NPHP4: variants seen among roughly 807,000 people sequenced by gnomAD.
The protein encoded by NPHP4 is nephrocystin 4.
In NPHP4, 151 loss-of-function variants were observed where a neutral mutation model predicts 155.8. The ratio of observed to expected loss-of-function variants is 0.97; its 90% CI spans 0.85 to 1.11. NPHP4 has a LOEUF of 1.11. Ranked by LOEUF, NPHP4 falls within the 50% of genes least tolerant of loss-of-function variation. The pLI is 0.00. For missense variants in NPHP4, 1,956 were observed against 1,925.7 expected, an observed-to-expected ratio of 1.02 and a Z score of -0.29; for synonymous variants, 845 against 816.8, an observed-to-expected ratio of 1.03 and a Z score of -0.59.
chr1:5,983,105 TA>T (rs1299176695), intron 2 of NPHP4, among the ~76,000 whole-genome samples: 1 of 152,200 alleles, frequency 6.6e-6, no homozygotes, highest in African/African-American at 2.4e-5. Flanking sequence ...TGATTGACGG[TA>T]TTCTTCAGAG....
rs972012683 is a variant in NPHP4, at chr1:5,899,064, C to A, written c.2143+5553G>T. 6.6e-5 allele frequency among the ~76,000 whole-genome samples: 10 copies of A among 152,210 alleles called. No individual in the cohort carries two copies. In the South Asian group the frequency reaches 1.2e-3, roughly 19 times the overall value. On this transcript the variant is annotated intron_variant, in intron 16 of 29. Transcript: ENST00000378156. ...TGGCGAGGACATGGCGCTGTCTGGGCTGCCTGTCTCCTGCTGATGGATGTG... is the reference window on the plus strand; with the variant it reads ...TGGCGAGGACATGGCGCTGTCTGGGATGCCTGTCTCCTGCTGATGGATGTG...
At chr1:5,864,684 C>T in intron 27 of NPHP4, 167 bp from the exon 28 acceptor site, 1 of 590,714 alleles carries the variant, frequency 1.7e-6, no homozygotes, top group African/African-American at 1.9e-5. Context: ...GTGGCCGCGA[C>T]TTGGGTCCAC....
intron 27 of NPHP4, 73 bp from the exon 28 acceptor site, chr1:5,864,590 C>G: frequency 2.2e-6 from 3 of 1,348,376 alleles, no homozygotes; most frequent in Non-Finnish European, 3.0e-6. Flanking sequence ...TGGGCGCCTG[C>G]AGCCCAATCA....
intron 11 of NPHP4, among the ~76,000 whole-genome samples, chr1:5,922,521 C>T (rs1645793738): frequency 6.6e-6 from 1 of 152,040 alleles, no homozygotes; most frequent in South Asian, 2.1e-4. Context: ...TTCAAAATTG[C>T]CTTGGCTATT....
At chr1:5,938,300 C>T (rs1646650338) in intron 9 of NPHP4, among the ~76,000 whole-genome samples, 2 of 152,230 alleles carry the variant, frequency 1.3e-5, no homozygotes, top group Admixed American at 1.3e-4. Context: ...GACTGAGCCC[C>T]ACCAGGTGAA....
intron 3 of NPHP4, among the ~76,000 whole-genome samples, chr1:5,975,776 C>T (rs879463480): frequency 3.9e-5 from 6 of 152,244 alleles, no homozygotes; most frequent in Non-Finnish European, 7.3e-5. Flanking sequence ...TGCCCAACTT[C>T]CGCCGCAACG....
intron 18 of NPHP4, among the ~76,000 whole-genome samples, chr1:5,884,482 GCC>G (rs970878469): frequency 1.8e-5 from 2 of 110,226 alleles, no homozygotes; most frequent in African/African-American, 6.9e-5. Flanking sequence ...TCCCAGCCGA[GCC>G]CCCGTCCTAC....
chr1:5,977,716 C>T (rs529282460), intron 3 of NPHP4, among the ~76,000 whole-genome samples: 109 of 149,848 alleles, frequency 7.3e-4, no homozygotes, highest in African/African-American at 2.4e-3. Context: ...AGTGAAAACA[C>T]GCTGCTCAAC....
intron 6 of NPHP4, among the ~76,000 whole-genome samples, chr1:5,959,745 A>G (rs987807613): frequency 5.3e-5 from 8 of 152,170 alleles, no homozygotes; most frequent in Admixed American, 4.6e-4. Context: ...GACATCTCAC[A>G]GCTAGTCCCA....
chr1:5,987,912 A>G (rs898133264), intron 1 of NPHP4, among the ~76,000 whole-genome samples: 6 of 152,214 alleles, frequency 3.9e-5, no homozygotes, highest in Non-Finnish European at 8.8e-5. Context: ...CCAAGCAAAA[A>G]TGAGAATTAA....
At chr1:5,894,331 G>A (rs1352760725) in intron 16 of NPHP4, among the ~76,000 whole-genome samples, 1 of 152,096 alleles carries the variant, frequency 6.6e-6, no homozygotes, top group Non-Finnish European at 1.5e-5. Flanking sequence ...GTGCATGCCT[G>A]TAGCCCCAGC....
At position 5,873,144 on chromosome 1, in the gene NPHP4, A is replaced by C. The variant is rs181174125; in HGVS notation, c.3315+108T>G. The stretch of plus-strand genomic sequence containing the variant: ...CCAGGCCCACGCCACCCCTGCCCTG[A>C]CCTGGCCCCAGCCCTCCCCTCCAGG... On this transcript the variant is annotated intron_variant, in intron 23 of 29. Coordinates refer to ENST00000378156, the MANE Select transcript of NPHP4 (RefSeq NM_015102.5). 4.1e-4 allele frequency: 396 copies of C among 972,426 alleles called. No homozygotes were observed. In the African/African-American group the frequency reaches 5.5e-3, roughly 14 times the overall value. 60.2% of individuals were successfully genotyped at this position (972,426 alleles called of 1,614,324 possible).
intron 2 of NPHP4, among the ~76,000 whole-genome samples, chr1:5,979,564 G>A (rs972537101): frequency 5.9e-5 from 9 of 152,076 alleles, no homozygotes; most frequent in African/African-American, 1.7e-4. Context: ...TAAGAAAAGG[G>A]TCTCGTCTGT....
chr1:5,939,578 C>T lies in NPHP4; in HGVS notation c.1120-6249G>A, dbSNP rs573531814. On this transcript the variant is annotated intron_variant, in intron 9 of 29. Transcript: ENST00000378156. ...TTCTCACCCCAGCTCCACTTCCCTC[C>T]CTGCCCTCACTGGGTCTCACAGAGC... 3.3e-5 allele frequency among the ~76,000 whole-genome samples: 5 copies of T among 152,272 alleles called. No homozygotes were observed. The East Asian group carries it at 9.7e-4, about 29-fold the overall frequency.
chr1:5,869,251 A>ACACG (rs1557600985), intron 23 of NPHP4, among the ~76,000 whole-genome samples: 5 of 150,284 alleles, frequency 3.3e-5, no homozygotes, highest in Non-Finnish European at 5.9e-5. Context: ...ACACACACAC[A>ACACG]CATGCACACC....
chr1:5,863,689 A>G (rs1640875315), intron 29 of NPHP4: 2 of 641,830 alleles, frequency 3.1e-6, no homozygotes, highest in Non-Finnish European at 5.5e-6. Flanking sequence ...CCTTTCCCAC[A>G]CTCAGGAGAA....
intron 6 of NPHP4, among the ~76,000 whole-genome samples, chr1:5,957,450 A>C (rs889515525): frequency 6.6e-6 from 1 of 152,222 alleles, no homozygotes; most frequent in African/African-American, 2.4e-5. Flanking sequence ...CACCTCAGAA[A>C]CAAGACCACT....
intron 11 of NPHP4, among the ~76,000 whole-genome samples, chr1:5,918,939 G>GA (rs913307048): frequency 6.6e-5 from 10 of 152,122 alleles, no homozygotes; most frequent in African/African-American, 2.4e-4. Flanking sequence ...TTAAAGCCCA[G>GA]AAAAAAATGG....
chr1:5,900,906 C>T (rs1036043647), intron 16 of NPHP4, among the ~76,000 whole-genome samples: 1 of 152,044 alleles, frequency 6.6e-6, no homozygotes, highest in Non-Finnish European at 1.5e-5. Context: ...CATGGTGGTG[C>T]ATGCCTGTGG....
Sources: gnomAD v4.1 joint callset for allele counts (sites outside exome capture counted in the v4.1 genomes callset) on GRCh38, gnomAD v4.1.1 for gene constraint, MANE v1.5 for transcripts, NCBI Gene and HGNC (gene_info 2026-07-23, HGNC 2026-07-21) for gene names.